Variants in TOX observed in about 807,000 individuals in gnomAD.
TOX encodes the protein thymocyte selection associated high mobility group box, also known as thymocyte selection-associated high mobility group box protein TOX.
A neutral mutation model predicts 53.7 loss-of-function variants in TOX; 11 were observed. That is an observed-to-expected ratio of 0.20 (90% confidence interval 0.13 to 0.34). TOX has a LOEUF of 0.34. Ranked by LOEUF, TOX falls within the 10% of genes least tolerant of loss-of-function variation. TOX has a pLI of 1.00. For synonymous variants in TOX, 225 were observed against 245.3 expected (o/e 0.92, Z 0.77); for missense variants, 570 against 664.6 (o/e 0.86, Z 1.56).
intron 1 of TOX, among the ~76,000 whole-genome samples, chr8:59,059,667 C>T (rs1054563454): frequency 1.3e-5 from 2 of 152,122 alleles, no homozygotes; most frequent in African/African-American, 4.8e-5. Context: ...TCAAGGAAAA[C>T]ACATTACTCT....
chr8:58,867,657 G>A (rs550107067), intron 3 of TOX, among the ~76,000 whole-genome samples: 1 of 152,328 alleles, frequency 6.6e-6, no homozygotes, highest in African/African-American at 2.4e-5. Flanking sequence ...TGATTCAGAA[G>A]TTCTGAGGAG....
Position 58,939,548 on chromosome 8 carries a change from T to C in TOX, c.169-4A>G. 1 of 1,599,808 alleles carries C rather than the reference T, an allele frequency of 6.3e-7. No individual in the cohort carries two copies. Among genetic ancestry groups the C allele is most frequent in the Non-Finnish European group, 8.5e-7 (1 of 1,171,432 alleles). On this transcript the variant is annotated splice_polypyrimidine_tract_variant and splice_region_variant and intron_variant, in intron 2 of 8. Transcript: ENST00000361421. ...CCAGGCTTGGACCAGGGTAGGACTG[T>C]GAAAAGACAAAAGTGACATTGTTGC...
intron 1 of TOX, among the ~76,000 whole-genome samples, chr8:59,071,743 T>C (rs969393139): frequency 2.6e-5 from 4 of 152,184 alleles, no homozygotes; most frequent in African/African-American, 4.8e-5. Flanking sequence ...TGAAAACTTA[T>C]GGCATAGATA....
intron 4 of TOX, among the ~76,000 whole-genome samples, chr8:58,840,294 T>G (rs1258769057): frequency 6.6e-6 from 1 of 152,210 alleles, no homozygotes; most frequent in African/African-American, 2.4e-5. Flanking sequence ...GTGAACCAAG[T>G]TGACAAGCTA....
At chr8:58,970,720 T>C (rs1812986977) in intron 1 of TOX, among the ~76,000 whole-genome samples, 1 of 152,238 alleles carries the variant, frequency 6.6e-6, no homozygotes, top group African/African-American at 2.4e-5. Flanking sequence ...CTAACTTACA[T>C]TTCTATCTCT....
chr8:59,015,357 G>A (rs1202844901), intron 1 of TOX, among the ~76,000 whole-genome samples: 3 of 152,192 alleles, frequency 2.0e-5, no homozygotes, highest in African/African-American at 7.2e-5. Flanking sequence ...ATAATAAGCA[G>A]CTACAAAACT....
intron 1 of TOX, among the ~76,000 whole-genome samples, chr8:59,049,037 G>C (rs75321253): frequency 0.042 from 6,381 of 151,436 alleles, 276 homozygotes; most frequent in African/African-American, 0.11. Context: ...CTATTCCACT[G>C]ACTCATTTTC....
At chr8:58,860,328 G>A (rs1256399920) in intron 3 of TOX, among the ~76,000 whole-genome samples, 1 of 152,118 alleles carries the variant, frequency 6.6e-6, no homozygotes, top group Non-Finnish European at 1.5e-5. Context: ...GGTCCACAGT[G>A]GTGACCATGT....
chr8:58,883,345 A>G lies in TOX; in HGVS notation c.412-31540T>C, dbSNP rs553416151. Among the ~76,000 whole-genome samples, 5 of 152,338 alleles carry G rather than the reference A, an allele frequency of 3.3e-5. No individual in the cohort carries two copies. The East Asian group carries it at 9.6e-4, about 29-fold the overall frequency. On this transcript the variant is annotated intron_variant, in intron 3 of 8. Coordinates refer to ENST00000361421, the MANE Select transcript of TOX (RefSeq NM_014729.3). ...GGACTTTGATTGAACAACCTTATAG[A>G]TCAAACATTTTTAAATGATCTATTT...
chr8:58,814,664 C>T (rs1810143913), intron 7 of TOX: 1 of 152,030 alleles, frequency 6.6e-6, no homozygotes, highest in Admixed American at 6.6e-5. Flanking sequence ...AAAATAACAC[C>T]AAAATCCAAA....
intron 1 of TOX, among the ~76,000 whole-genome samples, chr8:58,971,020 T>C (rs540499173): frequency 3.4e-4 from 52 of 152,374 alleles, no homozygotes; most frequent in African/African-American, 1.2e-3. Flanking sequence ...TTAAATAGTC[T>C]GAAAAGTAGT....
chr8:58,875,782 A>G (rs1297705344), intron 3 of TOX, among the ~76,000 whole-genome samples: 1 of 152,222 alleles, frequency 6.6e-6, no homozygotes, highest in Non-Finnish European at 1.5e-5. Context: ...GTTAGCCACA[A>G]CTGGCAATCA....
intron 3 of TOX, among the ~76,000 whole-genome samples, chr8:58,913,230 C>T (rs1366816423): frequency 6.6e-6 from 1 of 152,156 alleles, no homozygotes; most frequent in Non-Finnish European, 1.5e-5. Flanking sequence ...GTGGGAGGAT[C>T]ACTTGAGGCC....
At chr8:58,936,006 C>T (rs754863296) in intron 3 of TOX, among the ~76,000 whole-genome samples, 5 of 152,156 alleles carry the variant, frequency 3.3e-5, no homozygotes, top group South Asian at 2.1e-4. Context: ...CGGGCGCCAG[C>T]GGCTTTCCAT....
chr8:58,930,359 G>T (rs990218331), intron 3 of TOX, among the ~76,000 whole-genome samples: 1 of 152,344 alleles, frequency 6.6e-6, no homozygotes, highest in South Asian at 2.1e-4. Flanking sequence ...GCTATCAGCA[G>T]TTTCTACATG....
At chr8:58,818,098 CT>C (rs1284293853) in intron 6 of TOX, among the ~76,000 whole-genome samples, 1 of 152,148 alleles carries the variant, frequency 6.6e-6, no homozygotes, top group African/African-American at 2.4e-5. Flanking sequence ...ATTTGAGATA[CT>C]TTATTACCAA....
At chr8:58,981,882 G>T (rs940709657) in intron 1 of TOX, among the ~76,000 whole-genome samples, 2 of 151,912 alleles carry the variant, frequency 1.3e-5, no homozygotes, top group Non-Finnish European at 2.9e-5. Context: ...CTGGTAACTT[G>T]CCCCATCTGT....
At chr8:58,859,155 T>C (rs1268602071) in intron 3 of TOX, among the ~76,000 whole-genome samples, 1 of 152,188 alleles carries the variant, frequency 6.6e-6, no homozygotes, top group African/African-American at 2.4e-5. Flanking sequence ...ATGTGTACTT[T>C]AAATAAACTT....
intron 3 of TOX, among the ~76,000 whole-genome samples, chr8:58,861,803 G>A (rs16924122): frequency 0.05 from 7,662 of 152,134 alleles, 596 homozygotes; most frequent in African/African-American, 0.17. Flanking sequence ...ATTTTTCCAC[G>A]GAATGTTAAT....
Sources: gnomAD v4.1 joint callset for allele counts (sites outside exome capture counted in the v4.1 genomes callset) on GRCh38, gnomAD v4.1.1 for gene constraint, MANE v1.5 for transcripts, NCBI Gene and HGNC (gene_info 2026-07-23, HGNC 2026-07-21) for gene names.